PSMD9: variants seen among roughly 807,000 people sequenced by gnomAD.
The protein encoded by PSMD9 is proteasome 26S subunit, non-ATPase 9.
A neutral mutation model predicts 25.9 loss-of-function variants in PSMD9; 26 were observed. The observed-to-expected ratio is 1.00, with a 90% CI of 0.73 to 1.39. PSMD9 has a LOEUF of 1.39. Among genes scored for constraint, PSMD9 ranks in the 40% most tolerant of loss-of-function variants. PSMD9 has a pLI of 0.00. For synonymous variants in PSMD9, 110 were observed against 114.5 expected (o/e 0.96, Z 0.25); for missense variants, 303 against 299.3 (o/e 1.01, Z -0.09).
chr12:121,900,806 G>A (rs1040202367), intron 3 of PSMD9, among the ~76,000 whole-genome samples: 1 of 152,018 alleles, frequency 6.6e-6, no homozygotes, highest in African/African-American at 2.4e-5. Context: ...CCAACATGGC[G>A]AAACCCCATC....
intron 4 of PSMD9, among the ~76,000 whole-genome samples, chr12:121,904,864 G>T (rs576251875): frequency 2.6e-5 from 4 of 151,180 alleles, no homozygotes; most frequent in Non-Finnish European, 5.9e-5. Context: ...CGCTATGTTG[G>T]CCAGGCTGGT....
intron 1 of PSMD9, 63 bp from the exon 2 acceptor site, chr12:121,894,676 G>A: frequency 7.1e-7 from 1 of 1,409,734 alleles, no homozygotes; most frequent in Non-Finnish European, 1.0e-6. Flanking sequence ...GAAGGGTCTG[G>A]GGAAAGACAT....
intron 3 of PSMD9, chr12:121,901,994 T>C (rs756732383): frequency 2.6e-5 from 4 of 152,224 alleles, no homozygotes; most frequent in Non-Finnish European, 5.9e-5. Context: ...CATTCCTTTT[T>C]ATGGCCAAAT....
At chr12:121,889,559 A>T (rs1457874511) in intron 1 of PSMD9, among the ~76,000 whole-genome samples, 1 of 152,120 alleles carries the variant, frequency 6.6e-6, no homozygotes, top group Non-Finnish European at 1.5e-5. Context: ...CAGTGTGTAT[A>T]TGAATTACCT....
rs955294331 is a variant in PSMD9, at chr12:121,909,899, T to TA, written c.556-5956dup. On this transcript the variant is annotated intron_variant, in intron 4 of 5. Transcript: ENST00000541212. ...TCTGCCATGTTGCTAGATGTGTCATTACTGAGTTAAAGGCAGTGCACATTT... is the reference window on the plus strand; with the variant it reads ...TCTGCCATGTTGCTAGATGTGTCATTAACTGAGTTAAAGGCAGTGCACATTT... 3.3e-5 allele frequency among the ~76,000 whole-genome samples: 5 copies of TA among 152,124 alleles called. 1 individual carries two copies. Among genetic ancestry groups the TA allele is most frequent in the Admixed American group, 3.3e-4 (5 of 15,248 alleles).
chr12:121,915,748 T>C, intron 4 of PSMD9, 108 bp from the exon 5 acceptor site: 1 of 972,900 alleles, frequency 1.0e-6, no homozygotes, highest in Non-Finnish European at 1.6e-6. Flanking sequence ...ATGCTGCAAA[T>C]GTAAATCTTT....
chr12:121,900,001 C>T (rs1306606002), intron 3 of PSMD9, 156 bp downstream of exon 3: 4 of 879,892 alleles, frequency 4.5e-6, no homozygotes, highest in Non-Finnish European at 7.0e-6. Context: ...GTCGTGTATC[C>T]AGCCCTGTGC....
chr12:121,902,865 A>G (rs1879440381), intron 3 of PSMD9, 141 bp from the exon 4 acceptor site: 2 of 658,472 alleles, frequency 3.0e-6, no homozygotes, highest in Non-Finnish European at 5.5e-6. Context: ...AGGTGTCTAC[A>G]TCCCTGACCT....
rs772044900 is a variant in PSMD9, at chr12:121,899,706, A to C, written c.314A>C (p.Lys105Thr). The change falls in exon 3 of 6, where the codon AAG (lysine) becomes ACG (threonine). Residue 105 changes from lysine to threonine, a missense_variant. Transcript: ENST00000541212. ...EALHQLHARD[K>T]EKQARDMAEA... The stretch of plus-strand genomic sequence containing the variant: ...CTGCACCAGCTGCACGCTCGCGACA[A>C]GGAGAAGCAGGCCCGGGACATGGCT... 3 of 1,613,998 alleles carry C rather than the reference A, an allele frequency of 1.9e-6. No individual in the cohort carries two copies. The highest frequency in any genetic ancestry group is 2.5e-6 in the Non-Finnish European group (3 of 1,180,022).
intron 4 of PSMD9, among the ~76,000 whole-genome samples, chr12:121,909,480 A>AT (rs542593947): frequency 0.016 from 2,308 of 142,604 alleles, 36 homozygotes; most frequent in East Asian, 0.041. Flanking sequence ...CACCTGGCTA[A>AT]TTTTTTTTTT....
Position 121,916,347 on chromosome 12 carries a change from C to T in PSMD9, c.*36C>T, listed in dbSNP as rs370191768. Reference sequence around the variant, plus strand: ...GGAACAGTAACAGGAAAGCATCTTCCCTTGCCCTGGACTTGGGTCTAGGGA... The same window carrying T: ...GGAACAGTAACAGGAAAGCATCTTCTCTTGCCCTGGACTTGGGTCTAGGGA... On this transcript the variant is annotated 3_prime_UTR_variant, in exon 6 of 6. Transcript: ENST00000541212. The T allele has an allele frequency of 1.9e-5, 30 of 1,609,880 alleles. No homozygotes were observed. The highest frequency in any genetic ancestry group is 5.0e-5 in the Admixed American group (3 of 59,998).
chr12:121,899,587 G>T, intron 2 of PSMD9, 47 bp from the exon 3 acceptor site: 15 of 1,510,178 alleles, frequency 9.9e-6, no homozygotes, highest in Non-Finnish European at 1.3e-5. Context: ...GGAGTCTTGT[G>T]TCCTCCACTG....
chr12:121,889,487 G>T (rs1193550060), intron 1 of PSMD9, among the ~76,000 whole-genome samples: 1 of 152,098 alleles, frequency 6.6e-6, no homozygotes, highest in African/African-American at 2.4e-5. Flanking sequence ...CAAAGTGCTG[G>T]GATTACAGGC....
chr12:121,913,908 T>A (rs1454842941), intron 4 of PSMD9, among the ~76,000 whole-genome samples: 4 of 151,844 alleles, frequency 2.6e-5, no homozygotes, highest in African/African-American at 7.3e-5. Context: ...TTATTTATTT[T>A]TATTTTTTTG....
chr12:121,914,423 G>A (rs1362440610), intron 4 of PSMD9: 1 of 152,168 alleles, frequency 6.6e-6, no homozygotes, highest in African/African-American at 2.4e-5. Context: ...GGTGGCACGT[G>A]CCTGTAATCC....
intron 2 of PSMD9, chr12:121,898,564 C>T (rs532681811): frequency 6.8e-6 from 1 of 146,844 alleles, no homozygotes; most frequent in African/African-American, 2.5e-5. Context: ...TTTTTTGAGA[C>T]GAATTCTTGC....
chr12:121,904,277 T>A (rs79593796), intron 4 of PSMD9, among the ~76,000 whole-genome samples: 7 of 151,912 alleles, frequency 4.6e-5, no homozygotes, highest in South Asian at 4.2e-4. Flanking sequence ...TTTTTTTTTT[T>A]AATTAAGAAA....
chr12:121,900,982 G>C (rs189154039), intron 3 of PSMD9, among the ~76,000 whole-genome samples: 12 of 123,428 alleles, frequency 9.7e-5, no homozygotes, highest in African/African-American at 3.7e-4. Flanking sequence ...GTGAGACTCT[G>C]TCTAAAAAAA....
intron 1 of PSMD9, among the ~76,000 whole-genome samples, chr12:121,892,855 A>G (rs1193227615): frequency 1.3e-5 from 2 of 152,198 alleles, no homozygotes; most frequent in Non-Finnish European, 2.9e-5. Context: ...CCTGGGCAAC[A>G]GAAGATCTTG....
Sources: allele counts gnomAD v4.1 joint callset (sites outside exome capture counted in the v4.1 genomes callset), GRCh38; gene constraint gnomAD v4.1.1; transcripts MANE v1.5; gene names NCBI Gene and HGNC (gene_info 2026-07-23, HGNC 2026-07-21).